KMT2B: variants seen among roughly 807,000 people sequenced by gnomAD.
KMT2B encodes lysine methyltransferase 2B, also known as histone-lysine N-methyltransferase 2B.
A neutral mutation model predicts 255.3 loss-of-function variants in KMT2B; 22 were observed. The observed-to-expected ratio is 0.09, with a 90% CI of 0.06 to 0.12. KMT2B has a LOEUF of 0.12. KMT2B is among the 10% of genes least tolerant of loss of function. The pLI is 1.00. For synonymous variants in KMT2B, 1,730 were observed against 1,498.1 expected (o/e 1.15, Z -3.57); for missense variants, 3,149 against 3,737.0 (o/e 0.84, Z 4.10).
chr19:35,724,518 C>T (rs1016536547), intron 8 of KMT2B, 119 bp from the exon 9 acceptor site: 59 of 815,388 alleles, frequency 7.2e-5, no homozygotes, highest in Non-Finnish European at 1.1e-4. Flanking sequence ...GAAAAAGAAT[C>T]GTCCTGGCGG....
chr19:35,720,495 A>T lies in KMT2B; in HGVS notation c.1148A>T (p.Glu383Val). 1 of 1,551,636 alleles carries T rather than the reference A, an allele frequency of 6.4e-7. No individual in the cohort carries two copies. Among genetic ancestry groups the T allele is most frequent in the Non-Finnish European group, 8.7e-7 (1 of 1,146,938 alleles). The stretch of plus-strand genomic sequence containing the variant: ...GACAAGGAGGGAGAAGAGAAGGAAG[A>T]AAGAGCTGTAGCTGAGGAGATGATG... Reference protein sequence around the residue: ...EKDKEGEEKEERAVAEEMMPA... With the variant: ...EKDKEGEEKEVRAVAEEMMPA... Residue 383 changes from glutamate (E) to valine (V), a missense_variant, in exon 3 of 37, where the codon GAA becomes GTA. Coordinates refer to ENST00000420124, the MANE Select transcript of KMT2B (RefSeq NM_014727.3).
chr19:35,734,707 C>T (rs1969851131), intron 30 of KMT2B, among the ~76,000 whole-genome samples: 3 of 152,082 alleles, frequency 2.0e-5, no homozygotes, highest in East Asian at 1.9e-4. Flanking sequence ...TTGAAGCTGG[C>T]GGTGGAGTGG....
Position 35,733,287 on chromosome 19 carries a change from C to T in KMT2B, c.6738C>T (p.Val2246=), listed in dbSNP as rs541961564. The change falls in exon 28 of 37, where the codon GTC becomes GTT. Residue 2246 remains valine, a synonymous_variant. Transcript: ENST00000420124. The surrounding 1 kb of genome is among the most constrained non-coding windows in gnomAD (Gnocchi z 4.3). ...PGPLLGVLPV[V]GVVRPAPPPP... is the part of the protein sequence containing the mutation. The stretch of plus-strand genomic sequence containing the variant: ...CCCTCCTCGGCGTGCTGCCCGTGGT[C>T]GGAGTGGTCCGCCCTGCCCCGCCCC... 1.1e-5 allele frequency: 17 copies of T among 1,478,466 alleles called. No homozygotes were observed. The highest frequency in any genetic ancestry group is 3.7e-5 in the South Asian group (3 of 82,098). 91.6% of individuals were successfully genotyped at this position (1,478,466 alleles called of 1,614,324 possible).
At position 35,720,387 on chromosome 19, in the gene KMT2B, G is replaced by A. The variant is rs761638266; in HGVS notation, c.1040G>A (p.Gly347Glu). The A allele has an allele frequency of 5.7e-6, 9 of 1,583,828 alleles. No homozygotes were observed. In the African/African-American group the frequency reaches 9.4e-5, roughly 17 times the overall value. The change falls in exon 3 of 37, where the codon GGA becomes GAA. Residue 347 changes from glycine to glutamate, a missense_variant. This residue lies in a region of KMT2B where 1,188 missense variants were observed against 1,106.4 expected (regional missense o/e 1.07). Transcript: ENST00000420124. ...QDVPQRRVGS[G>E]QGGSPCWKKQ... Reference sequence around the variant, plus strand: ...GTCCCCCAAAGAAGAGTTGGATCTGGACAGGGAGGGAGCCCTTGCTGGAAA... The same window carrying A: ...GTCCCCCAAAGAAGAGTTGGATCTGAACAGGGAGGGAGCCCTTGCTGGAAA...
chr19:35,722,749 G>A (rs769699130), intron 5 of KMT2B, 31 bp downstream of exon 5: 1 of 1,552,682 alleles, frequency 6.4e-7, no homozygotes, highest in Admixed American at 1.9e-5. Flanking sequence ...GCCATGTCAG[G>A]TTTGGGGATG....
chr19:35,738,594 G>A lies in KMT2B; in HGVS notation c.*37G>A. 1 of 1,587,714 alleles carries A rather than the reference G, an allele frequency of 6.3e-7. No homozygotes were observed. The highest frequency in any genetic ancestry group is 1.3e-5 in the African/African-American group (1 of 74,572). ...CCCACCACGACCCCTCACACCTCCT[G>A]CTGCCGTCGCTGCCATCTTGCCCCT... On this transcript the variant is annotated 3_prime_UTR_variant, in exon 37 of 37. Coordinates refer to ENST00000420124, the MANE Select transcript of KMT2B (RefSeq NM_014727.3). This position sits in a 1 kb window ranked among gnomAD's most constrained non-coding sequence, Gnocchi z 8.7.
chr19:35,730,316 C>G (rs1969642187), intron 23 of KMT2B, 26 bp from the exon 24 acceptor site: 1 of 1,608,946 alleles, frequency 6.2e-7, no homozygotes, highest in Non-Finnish European at 8.5e-7. Flanking sequence ...AATGCAGCCA[C>G]CTCACTTTGC....
chr19:35,721,026 C>T lies in KMT2B; in HGVS notation c.1679C>T (p.Ser560Leu), dbSNP rs368369291. Residue 560 changes from serine to leucine, a missense_variant, in exon 3 of 37, where the codon TCA becomes TTA. Physicochemically the swap from Ser to Leu is moderately radical, Grantham distance 145. This residue lies in a region of KMT2B where 1,188 missense variants were observed against 1,106.4 expected (regional missense o/e 1.07). Coordinates refer to ENST00000420124, the MANE Select transcript of KMT2B (RefSeq NM_014727.3). The part of the protein sequence containing the change: ...DPPKPPKVEV[S>L]PVLRPPITTS... ...CCCAAACCCCCAAAGGTGGAGGTCT[C>T]ACCTGTCCTGCGACCTCCCATTACC... The T allele has an allele frequency of 3.7e-6, 6 of 1,609,398 alleles. No homozygotes were observed. Among genetic ancestry groups the T allele is most frequent in the Non-Finnish European group, 5.1e-6 (6 of 1,178,364 alleles).
intron 9 of KMT2B, 126 bp downstream of exon 9, chr19:35,724,857 C>A (rs1413447767): frequency 5.5e-6 from 6 of 1,094,954 alleles, no homozygotes; most frequent in African/African-American, 1.6e-5. Context: ...TGAGGCGGGC[C>A]TTGCCTGTCT....
rs1969826524 is a variant in KMT2B, at chr19:35,733,999, C to T, written c.7159+127C>T. The T allele has an allele frequency of 1.5e-6, 1 of 659,408 alleles. No homozygotes were observed. The highest frequency in any genetic ancestry group is 2.6e-6 in the Non-Finnish European group (1 of 377,958). The allele number at this position is 659,408 out of a possible 1,614,324, so 40.8% of individuals were successfully genotyped here. A position where few individuals can be genotyped will look rare whatever the true frequency, so the allele number is the denominator to read the frequency against. On this transcript the variant is annotated intron_variant, in intron 30 of 36. Transcript: ENST00000420124. This position sits in a 1 kb window ranked among gnomAD's most constrained non-coding sequence, Gnocchi z 4.3. ...CAGGGGCCAAGCCTGAGGCTCGGTGCTAGAGTTAGAGATGACCTTGGGGAG... is the reference window on the plus strand; with the variant it reads ...CAGGGGCCAAGCCTGAGGCTCGGTGTTAGAGTTAGAGATGACCTTGGGGAG...
At position 35,725,405 on chromosome 19, in the gene KMT2B, C is replaced by G; in HGVS notation, c.3642+72C>G. The G allele has an allele frequency of 1.3e-6, 2 of 1,583,276 alleles. No homozygotes were observed. Among genetic ancestry groups the G allele is most frequent in the Non-Finnish European group, 1.7e-6 (2 of 1,163,564 alleles). On this transcript the variant is annotated intron_variant, in intron 11 of 36. Coordinates refer to ENST00000420124, the MANE Select transcript of KMT2B (RefSeq NM_014727.3). This position sits in a 1 kb window ranked among gnomAD's most constrained non-coding sequence, Gnocchi z 4.1. ...CTCACGGCCTGATTCCTTGGGCCCT[C>G]TCAGCTGGGTCTCATCCCTTGGCCC...
Position 35,723,693 on chromosome 19 carries a change from G to C in KMT2B, c.3059-39G>C, listed in dbSNP as rs755683071. Reference sequence around the variant, plus strand: ...TTCTCTCCCAGTGTCCCATGTCCCTGGCTGAGCTCAAATCCTACTAAGTCC... The same window carrying C: ...TTCTCTCCCAGTGTCCCATGTCCCTCGCTGAGCTCAAATCCTACTAAGTCC... On this transcript the variant is annotated intron_variant, in intron 7 of 36. Coordinates refer to ENST00000420124, the MANE Select transcript of KMT2B (RefSeq NM_014727.3). The surrounding 1 kb of genome is among the most constrained non-coding windows in gnomAD (Gnocchi z 7.5). 1 of 1,505,684 alleles carries C rather than the reference G, an allele frequency of 6.6e-7. No homozygotes were observed. Among genetic ancestry groups the C allele is most frequent in the Non-Finnish European group, 8.9e-7 (1 of 1,123,382 alleles). 93.3% of individuals were successfully genotyped at this position (1,505,684 alleles called of 1,614,324 possible). A position where few individuals can be genotyped will look rare whatever the true frequency, so the allele number is the denominator to read the frequency against.
chr19:35,736,529 G>A lies in KMT2B; in HGVS notation c.7160-161G>A, dbSNP rs1443369598. 1.3e-5 allele frequency: 10 copies of A among 789,488 alleles called. No homozygotes were observed. In the East Asian group the frequency reaches 2.7e-4, roughly 21 times the overall value. 48.9% of individuals were successfully genotyped at this position (789,488 alleles called of 1,614,324 possible). The stretch of plus-strand genomic sequence containing the variant: ...GGGGAAGAAATGTCCATTCTGCAGG[G>A]CTCACTGGGTAACTGGAGCAGAAGG... On this transcript the variant is annotated intron_variant, in intron 30 of 36. Transcript: ENST00000420124.
Position 35,727,664 on chromosome 19 carries a change from C to T in KMT2B, c.4303-34C>T, listed in dbSNP as rs1333170396. 1 of 1,612,804 alleles carries T rather than the reference C, an allele frequency of 6.2e-7. No individual in the cohort carries two copies. The highest frequency in any genetic ancestry group is 8.5e-7 in the Non-Finnish European group (1 of 1,179,628). On this transcript the variant is annotated intron_variant, in intron 16 of 36. Transcript: ENST00000420124. The surrounding 1 kb of genome is among the most constrained non-coding windows in gnomAD (Gnocchi z 4.2). ...AGGCAGGATGGGCCGGGGCTAGGCC[C>T]ACCCCCAGCCCTGCTAACTTCCCCG...
Position 35,736,955 on chromosome 19 carries a change from G to T in KMT2B, c.7341G>T (p.Gly2447=). ...TLIEKVQEAR[G]HARLRHLSFS... ...TCGAGAAAGTGCAAGAGGCCCGAGG[G>T]CATGCCCGACTCAGACATCTCTCCT... Residue 2447 remains glycine, a synonymous_variant, in exon 32 of 37, where the codon GGG becomes GGT. Transcript: ENST00000420124. 1 of 1,613,908 alleles carries T rather than the reference G, an allele frequency of 6.2e-7. No homozygotes were observed. Among genetic ancestry groups the T allele is most frequent in the Non-Finnish European group, 8.5e-7 (1 of 1,179,850 alleles).
At position 35,733,301 on chromosome 19, in the gene KMT2B, C is replaced by CCCG; in HGVS notation, c.6752_6753insCCG (p.Pro2251_Ala2252insArg). On this transcript the variant is annotated inframe_insertion, in exon 28 of 37. Transcript: ENST00000420124. The surrounding 1 kb of genome is among the most constrained non-coding windows in gnomAD (Gnocchi z 4.3). ...CTGCCCGTGGTCGGAGTGGTCCGCC[C>CCCG]TGCCCCGCCCCCGCCACCCCCTCCC... is the stretch of plus-strand genomic sequence containing the variant. 1 of 1,453,814 alleles carries CCCG rather than the reference C, an allele frequency of 6.9e-7. No individual in the cohort carries two copies. The highest frequency in any genetic ancestry group is 9.4e-7 in the Non-Finnish European group (1 of 1,062,356). 90.1% of individuals were successfully genotyped at this position (1,453,814 alleles called of 1,614,324 possible).
rs1969996161 is a variant in KMT2B at position 35,738,191 on chromosome 19, G to GGTGGGCTCCCAGTGGCTGTGGGAAGACA, written c.7872+6_7872+33dup. Reference sequence around the variant, plus strand: ...AGCGGGAGAAGTTCTACGATGGGAAGGTGGGCTCCCAGTGGCTGTGGGAAG... The same window carrying GGTGGGCTCCCAGTGGCTGTGGGAAGACA: ...AGCGGGAGAAGTTCTACGATGGGAAGGTGGGCTCCCAGTGGCTGTGGGAAGACAGTGGGCTCCCAGTGGCTGTGGGAAG... On this transcript the variant is annotated frameshift_variant and splice_region_variant. Transcript: ENST00000420124. LOFTEE classifies it high-confidence loss of function. The surrounding 1 kb of genome is among the most constrained non-coding windows in gnomAD (Gnocchi z 8.7). 1.9e-6 allele frequency: 3 copies of GGTGGGCTCCCAGTGGCTGTGGGAAGACA among 1,613,752 alleles called. No individual in the cohort carries two copies. Among genetic ancestry groups the GGTGGGCTCCCAGTGGCTGTGGGAAGACA allele is most frequent in the Non-Finnish European group, 2.5e-6 (3 of 1,179,848 alleles).
chr19:35,733,252 C>A lies in KMT2B; in HGVS notation c.6703C>A (p.Pro2235Thr). Residue 2235 changes from proline (P) to threonine (T), a missense_variant, in exon 28 of 37, where the codon CCC (proline) becomes ACC (threonine). Coordinates refer to ENST00000420124, the MANE Select transcript of KMT2B (RefSeq NM_014727.3). The surrounding 1 kb of genome is among the most constrained non-coding windows in gnomAD (Gnocchi z 4.3). ...CACGGCTCCCACCTCCTGGACTCTG[C>A]CCCCAGGCCCCCTCCTCGGCGTGCT... ...SPTAPTSWTLPPGPLLGVLPV... is the reference protein window; with the variant it reads ...SPTAPTSWTLTPGPLLGVLPV... 2 of 1,454,910 alleles carry A rather than the reference C, an allele frequency of 1.4e-6. No homozygotes were observed. The highest frequency in any genetic ancestry group is 1.9e-6 in the Non-Finnish European group (2 of 1,068,764). The allele number at this position is 1,454,910 out of a possible 1,614,324, so 90.1% of individuals were successfully genotyped here.
rs1461752329 is a variant in KMT2B, at chr19:35,728,869, C to T, written c.4667C>T (p.Pro1556Leu). 1 of 1,613,924 alleles carries T rather than the reference C, an allele frequency of 6.2e-7. No individual in the cohort carries two copies. Among genetic ancestry groups the T allele is most frequent in the South Asian group, 1.1e-5 (1 of 91,080 alleles). ...CCAGAGACCCCAGAATCAGGGCAGC[C>T]TCCAGGGGATCCCTCAGCAGGTACT... ...QEPETPESGQ[P>L]PGDPSAAFQG... is the part of the protein sequence containing the mutation. The change falls in exon 20 of 37, where the codon CCT (proline) becomes CTT (leucine). Residue 1556 changes from proline to leucine, a missense_variant. Pro to Leu is a moderately conservative substitution (Grantham distance 98). Transcript: ENST00000420124.
Sources: gnomAD v4.1 joint callset for allele counts (sites outside exome capture counted in the v4.1 genomes callset) on GRCh38, gnomAD v4.1.1 for gene constraint, gnomAD v4.1.1 regional missense constraint, Gnocchi (gnomAD v3.1) non-coding constraint, MANE v1.5 for transcripts, NCBI Gene and HGNC (gene_info 2026-07-23, HGNC 2026-07-21) for gene names.